Variants in MGAT4C observed in about 807,000 individuals in gnomAD.
MGAT4C encodes MGAT4 family member C, also known as alpha-1,3-mannosyl-glycoprotein 4-beta-N-acetylglucosaminyltransferase C.
A neutral mutation model predicts 40.1 loss-of-function variants in MGAT4C; 19 were observed. The ratio of observed to expected loss-of-function variants is 0.47; its 90% CI spans 0.33 to 0.70. The LOEUF (loss-of-function observed/expected upper bound fraction) is 0.70, where lower values mean the gene tolerates loss of function less well. MGAT4C is among the 30% of genes least tolerant of loss of function. The probability of loss-of-function intolerance (pLI) is 0.02; values close to 1 mark genes in which losing one functional copy is unlikely to be tolerated. For missense variants in MGAT4C, 491 were observed against 563.2 expected, an observed-to-expected ratio of 0.87 and a Z score of 1.30; for synonymous variants, 181 against 187.1, an observed-to-expected ratio of 0.97 and a Z score of 0.27.
intron 1 of MGAT4C, among the ~76,000 whole-genome samples, chr12:86,245,917 T>G (rs1050704232): frequency 1.3e-5 from 2 of 152,206 alleles, no homozygotes; most frequent in East Asian, 3.8e-4. Flanking sequence ...TAGCTCAATG[T>G]GTAGCCAAAT....
chr12:86,237,500 T>C (rs907481410), intron 1 of MGAT4C, among the ~76,000 whole-genome samples: 1 of 151,952 alleles, frequency 6.6e-6, no homozygotes, highest in Non-Finnish European at 1.5e-5. Flanking sequence ...AGCAAGATCT[T>C]ATTCATAAAA....
intron 2 of MGAT4C, among the ~76,000 whole-genome samples, chr12:85,998,225 C>T (rs1052577542): frequency 6.6e-6 from 1 of 152,166 alleles, no homozygotes; most frequent in African/African-American, 2.4e-5. Flanking sequence ...GCACCTAGTC[C>T]CTAGGCTGCA....
intron 2 of MGAT4C, among the ~76,000 whole-genome samples, chr12:86,655,887 C>T (rs886694356): frequency 3.3e-5 from 5 of 151,958 alleles, no homozygotes; most frequent in Non-Finnish European, 5.9e-5. Flanking sequence ...AAAGCTCACA[C>T]GAGGAGGGTT....
intron 1 of MGAT4C, among the ~76,000 whole-genome samples, chr12:86,817,119 ATTC>A (rs1372819796): frequency 1.3e-5 from 2 of 150,750 alleles, no homozygotes; most frequent in Non-Finnish European, 3.0e-5. Context: ...ATTTTCAAAC[ATTC>A]TTTTTTCATG....
chr12:86,474,662 T>C (rs1373924884), intron 2 of MGAT4C, among the ~76,000 whole-genome samples: 1 of 152,144 alleles, frequency 6.6e-6, no homozygotes, highest in Admixed American at 6.6e-5. Context: ...CAAGGATTCA[T>C]ACTCTGGCTT....
chr12:86,109,818 A>G (rs1490586124), intron 1 of MGAT4C, among the ~76,000 whole-genome samples: 2 of 151,928 alleles, frequency 1.3e-5, no homozygotes, highest in Non-Finnish European at 2.9e-5. Context: ...ATGCATATGT[A>G]AAAAAAGTGA....
chr12:86,362,550 TA>T (rs1955500128), intron 3 of MGAT4C, among the ~76,000 whole-genome samples: 1 of 151,938 alleles, frequency 6.6e-6, no homozygotes, highest in African/African-American at 2.4e-5. Context: ...ACAAGAATAA[TA>T]AAAAGATCCA....
intron 1 of MGAT4C, among the ~76,000 whole-genome samples, chr12:86,246,179 C>CTTTTTT (rs57004605): frequency 5.8e-4 from 41 of 70,126 alleles, no homozygotes; most frequent in East Asian, 9.8e-4. Flanking sequence ...TGTACCATTG[C>CTTTTTT]TTTTTTTTTT....
intron 1 of MGAT4C, among the ~76,000 whole-genome samples, chr12:86,744,223 T>C (rs1175865505): frequency 1.3e-5 from 2 of 151,430 alleles, no homozygotes; most frequent in African/African-American, 4.8e-5. Flanking sequence ...ACCACGGAAC[T>C]AAATAACTCA....
chr12:86,287,862 C>A (rs935414072), intron 4 of MGAT4C, among the ~76,000 whole-genome samples: 2 of 152,120 alleles, frequency 1.3e-5, no homozygotes, highest in African/African-American at 4.8e-5. Flanking sequence ...TGGGTATATA[C>A]CCAGTAATGG....
rs565812284 is a variant in MGAT4C, at chr12:86,406,354, A to C, written c.-120+28803T>G. ...ATACTTGTAAACTGTATATGTAATA[A>C]AAAGCTAATATCTAAAATATATGAA... On this transcript the variant is annotated intron_variant, in intron 3 of 7. Transcript: ENST00000548651. Among the ~76,000 whole-genome samples the C allele has an allele frequency of 8.6e-5, 13 of 151,968 alleles. No individual in the cohort carries two copies. The Middle Eastern group carries it at 0.01, about 120-fold the overall frequency.
chr12:86,453,171 T>G (rs751436187), intron 2 of MGAT4C, among the ~76,000 whole-genome samples: 39 of 152,278 alleles, frequency 2.6e-4, no homozygotes, highest in Non-Finnish European at 4.3e-4. Context: ...TTAAGGAGGT[T>G]TCTTATACAG....
intron 1 of MGAT4C, among the ~76,000 whole-genome samples, chr12:86,746,841 C>T (rs924312911): frequency 6.6e-6 from 1 of 151,466 alleles, no homozygotes; most frequent in Admixed American, 6.6e-5. Context: ...GTAGAGACAC[C>T]TTATACTTAC....
rs573542125 is a variant in MGAT4C, at chr12:86,399,876, C to T, written c.-120+35281G>A. 7.9e-5 allele frequency among the ~76,000 whole-genome samples: 12 copies of T among 152,276 alleles called. No homozygotes were observed. The South Asian group carries it at 1.4e-3, about 18-fold the overall frequency. On this transcript the variant is annotated intron_variant, in intron 3 of 7. Coordinates refer to the MGAT4C transcript ENST00000548651. ...ATATGCTTTATAATTAACAGGTAAA[C>T]GTAAGTGTTTCTTTGTGTTCTGTGT...
intron 2 of MGAT4C, among the ~76,000 whole-genome samples, chr12:86,483,128 C>T (rs1034342339): frequency 1.3e-5 from 2 of 152,066 alleles, no homozygotes; most frequent in African/African-American, 2.4e-5. Context: ...CTTGTTGTGT[C>T]CTCACATGGC....
chr12:86,014,248 G>A (rs1888827888), intron 2 of MGAT4C, among the ~76,000 whole-genome samples: 1 of 152,078 alleles, frequency 6.6e-6, no homozygotes, highest in Non-Finnish European at 1.5e-5. Context: ...TTACATTACT[G>A]ATGGTTTTCC....
chr12:86,746,240 CT>C (rs1951149639), intron 1 of MGAT4C, among the ~76,000 whole-genome samples: 1 of 151,642 alleles, frequency 6.6e-6, no homozygotes, highest in Non-Finnish European at 1.5e-5. Context: ...TAGAAGGATC[CT>C]TTTAAAGCAG....
chr12:86,499,070 T>G (rs1446704928), intron 2 of MGAT4C, among the ~76,000 whole-genome samples: 6 of 151,940 alleles, frequency 3.9e-5, no homozygotes, highest in Non-Finnish European at 5.9e-5. Context: ...TTATTAGAAA[T>G]GTTGTCTTTT....
At chr12:86,488,426 C>CAA (rs55960243) in intron 2 of MGAT4C, among the ~76,000 whole-genome samples, 5 of 107,868 alleles carry the variant, frequency 4.6e-5, no homozygotes, top group Admixed American at 1.9e-4. Flanking sequence ...GACCCTGTCT[C>CAA]AAAAAAAAAA....
Sources: allele counts gnomAD v4.1 joint callset (sites outside exome capture counted in the v4.1 genomes callset), GRCh38; gene constraint gnomAD v4.1.1; transcripts MANE v1.5; gene names NCBI Gene and HGNC (gene_info 2026-07-23, HGNC 2026-07-21).